The following LDB2 variants were observed in gnomAD, a reference collection of about 807,000 sequenced individuals.
The protein encoded by LDB2 is LIM domain binding 2, also known as LIM domain-binding protein 2.
A neutral mutation model predicts 44.3 loss-of-function variants in LDB2; 12 were observed. That is an observed-to-expected ratio of 0.27 (90% confidence interval 0.17 to 0.44). The LOEUF (loss-of-function observed/expected upper bound fraction) is 0.44, where lower values mean the gene tolerates loss of function less well. LDB2 is among the 20% of genes least tolerant of loss of function. LDB2 has a pLI of 1.00. For missense variants in LDB2, 344 were observed against 473.5 expected, an observed-to-expected ratio of 0.73 and a Z score of 2.54; for synonymous variants, 164 against 174.8, an observed-to-expected ratio of 0.94 and a Z score of 0.49.
intron 1 of LDB2, among the ~76,000 whole-genome samples, chr4:16,843,717 G>A (rs1159751977): frequency 6.6e-6 from 1 of 152,078 alleles, no homozygotes; most frequent in Non-Finnish European, 1.5e-5. Context: ...CACCTCCCAG[G>A]TTCAAGCTAT....
intron 2 of LDB2, among the ~76,000 whole-genome samples, chr4:16,657,472 CA>C (rs1424058151): frequency 2.0e-5 from 3 of 152,208 alleles, no homozygotes; most frequent in Admixed American, 1.3e-4. Context: ...GCCTCCTTGT[CA>C]TCCATTATCT....
At chr4:16,660,173 G>A (rs996725115) in intron 2 of LDB2, among the ~76,000 whole-genome samples, 8 of 152,102 alleles carry the variant, frequency 5.3e-5, no homozygotes, top group Non-Finnish European at 1.0e-4. Context: ...TCATCTCAGA[G>A]GGAAAAGAGG....
chr4:16,696,960 C>A lies in LDB2; in HGVS notation c.235+62198G>T, dbSNP rs188482881. ...ATTCTAATATCAGCCAGATCCAATG[C>A]TCACTTCTCCAGTAAACAGGATAAG... On this transcript the variant is annotated intron_variant, in intron 2 of 7. Coordinates refer to ENST00000304523, the MANE Select transcript of LDB2 (RefSeq NM_001290.5). Among the ~76,000 whole-genome samples, 8 of 152,236 alleles carry A rather than the reference C, an allele frequency of 5.3e-5. No homozygotes were observed. In the East Asian group the frequency reaches 1.2e-3, roughly 22 times the overall value.
chr4:16,882,264 A>G lies in LDB2; in HGVS notation c.132+16090T>C, dbSNP rs1720359903. ...AAAAAAGCTCAATAAGGTATTAAGGAATGAATGAGTCAATGCAATTCCATC... is the reference window on the plus strand; with the variant it reads ...AAAAAAGCTCAATAAGGTATTAAGGGATGAATGAGTCAATGCAATTCCATC... On this transcript the variant is annotated intron_variant, in intron 1 of 7. Coordinates refer to ENST00000304523, the MANE Select transcript of LDB2 (RefSeq NM_001290.5). Among the ~76,000 whole-genome samples, 3 of 152,190 alleles carry G rather than the reference A, an allele frequency of 2.0e-5. No individual in the cohort carries two copies. In the South Asian group the frequency reaches 6.2e-4, roughly 31 times the overall value.
At chr4:16,686,076 T>C in intron 2 of LDB2, among the ~76,000 whole-genome samples, 1 of 151,970 alleles carries the variant, frequency 6.6e-6, no homozygotes, top group Non-Finnish European at 1.5e-5. Flanking sequence ...AGTCAAAATA[T>C]GTAAACATGG....
intron 1 of LDB2, among the ~76,000 whole-genome samples, chr4:16,786,210 A>G (rs1485159727): frequency 2.0e-5 from 3 of 152,228 alleles, no homozygotes; most frequent in Non-Finnish European, 4.4e-5. Context: ...CCGATCTACC[A>G]GTAAGACTTT....
intron 2 of LDB2, among the ~76,000 whole-genome samples, chr4:16,676,024 A>AGG (rs1746224289): frequency 1.3e-5 from 2 of 152,200 alleles, no homozygotes; most frequent in Admixed American, 6.5e-5. Flanking sequence ...TAATAACAGT[A>AGG]TTTTATACCC....
chr4:16,507,230 A>G (rs17488270), intron 7 of LDB2: 22,427 of 152,100 alleles, frequency 0.15, 1,732 homozygotes, highest in South Asian at 0.17. Context: ...GGCACCTTCC[A>G]TTTTAGGCTG....
At chr4:16,672,070 C>A (rs1744919677) in intron 2 of LDB2, among the ~76,000 whole-genome samples, 1 of 152,164 alleles carries the variant, frequency 6.6e-6, no homozygotes. Flanking sequence ...CAACAGCAAC[C>A]ATGACCCTTT....
chr4:16,850,470 A>C (rs1787991551), intron 1 of LDB2, among the ~76,000 whole-genome samples: 1 of 152,220 alleles, frequency 6.6e-6, no homozygotes, highest in Non-Finnish European at 1.5e-5. Context: ...CACCCAGTAG[A>C]TAGATATTTA....
At chr4:16,638,218 AAGC>A (rs1734136667) in intron 2 of LDB2, among the ~76,000 whole-genome samples, 1 of 152,156 alleles carries the variant, frequency 6.6e-6, no homozygotes, top group African/African-American at 2.4e-5. Context: ...AGGAAATAAA[AAGC>A]AGGATACTAC....
intron 2 of LDB2, among the ~76,000 whole-genome samples, chr4:16,645,530 C>G (rs930209441): frequency 9.1e-6 from 1 of 109,698 alleles, no homozygotes; most frequent in South Asian, 3.5e-4. Context: ...GGCGACAGAG[C>G]GAGACTCCGT....
rs761025872 is a variant in LDB2, at chr4:16,502,704, C to G, written c.1061G>C (p.Ser354Thr). 6.2e-7 allele frequency: 1 copy of G among 1,613,848 alleles called. No homozygotes were observed. The highest frequency in any genetic ancestry group is 1.3e-5 in the African/African-American group (1 of 74,880). The change falls in exon 8 of 8, where the codon AGT becomes ACT. Residue 354 changes from serine (S) to threonine (T), a missense_variant. Transcript: ENST00000304523. ...GGTCTCTTGAGTGGCGGGAGGTTTA[C>G]TGTTCCACGGGCTGTTGTTCCCCAG... The part of the protein sequence containing the change: ...PALGNNSPWN[S>T]KPPATQETKS...
At chr4:16,586,593 G>A (rs991442879) in intron 4 of LDB2, among the ~76,000 whole-genome samples, 12 of 151,024 alleles carry the variant, frequency 7.9e-5, no homozygotes, top group African/African-American at 2.7e-4. Context: ...TCCCCATTAA[G>A]CTGAGTCTGG....
intron 1 of LDB2, among the ~76,000 whole-genome samples, chr4:16,896,652 GC>G (rs1554068590): frequency 6.6e-6 from 1 of 151,064 alleles, no homozygotes; most frequent in Non-Finnish European, 1.5e-5. Context: ...ATGGTCCCTG[GC>G]CTCTTTTTTT....
At chr4:16,849,753 C>T (rs1787811177) in intron 1 of LDB2, among the ~76,000 whole-genome samples, 1 of 151,984 alleles carries the variant, frequency 6.6e-6, no homozygotes, top group Admixed American at 6.6e-5. Flanking sequence ...TCTTAATTCC[C>T]TCTTATCACT....
intron 2 of LDB2, among the ~76,000 whole-genome samples, chr4:16,610,220 A>C (rs926400839): frequency 7.4e-4 from 112 of 152,218 alleles, no homozygotes; most frequent in African/African-American, 2.5e-3. Flanking sequence ...CAGCAGCCTC[A>C]AAGACCGAAA....
chr4:16,854,471 T>C (rs1265084898), intron 1 of LDB2, among the ~76,000 whole-genome samples: 1 of 147,722 alleles, frequency 6.8e-6, no homozygotes, highest in Non-Finnish European at 1.5e-5. Flanking sequence ...TCCTTCCAGA[T>C]ATTTTTTATT....
chr4:16,757,792 AC>A (rs974500706), intron 2 of LDB2, among the ~76,000 whole-genome samples: 1 of 152,096 alleles, frequency 6.6e-6, no homozygotes, highest in Non-Finnish European at 1.5e-5. Context: ...GCTTGGGGGC[AC>A]CCACACACCG....
Sources: gnomAD v4.1 joint callset for allele counts (sites outside exome capture counted in the v4.1 genomes callset) on GRCh38, gnomAD v4.1.1 for gene constraint, MANE v1.5 for transcripts, NCBI Gene and HGNC (gene_info 2026-07-23, HGNC 2026-07-21) for gene names.